TMEFF2: variants seen among roughly 807,000 people sequenced by gnomAD.
TMEFF2 encodes transmembrane protein with EGF like and two follistatin like domains 2.
TMEFF2 carries 28 observed loss-of-function variants against 53.8 expected under a neutral mutation model. That is an observed-to-expected ratio of 0.52 (90% CI 0.39 to 0.71). TMEFF2 has a LOEUF of 0.71. Ranked by LOEUF, TMEFF2 falls within the 30% of genes least tolerant of loss-of-function variation. The pLI is 0.00. For missense variants in TMEFF2, 353 were observed against 455.2 expected (o/e 0.78, Z 2.04); for synonymous variants, 162 against 166.3 (o/e 0.97, Z 0.20).
At chr2:192,071,585 T>A (rs188744596) in intron 4 of TMEFF2, among the ~76,000 whole-genome samples, 155 of 152,006 alleles carry the variant, frequency 1.0e-3, no homozygotes, top group African/African-American at 3.6e-3. Context: ...AGGGATTAGT[T>A]CCAGGAACTC....
At chr2:192,175,741 C>T (rs1417168277) in intron 4 of TMEFF2, among the ~76,000 whole-genome samples, 1 of 151,352 alleles carries the variant, frequency 6.6e-6, no homozygotes, top group East Asian at 1.9e-4. Context: ...CATACAACTT[C>T]CCATAAGATG....
At chr2:192,190,319 G>T (rs1034710225) in intron 2 of TMEFF2, among the ~76,000 whole-genome samples, 1 of 151,628 alleles carries the variant, frequency 6.6e-6, no homozygotes, top group African/African-American at 2.4e-5. Flanking sequence ...TCTACCCATG[G>T]TTATGAAAAT....
intron 4 of TMEFF2, among the ~76,000 whole-genome samples, chr2:192,082,383 A>G (rs1175212444): frequency 6.6e-6 from 1 of 152,150 alleles, no homozygotes. Flanking sequence ...TTAAACAGAA[A>G]GTCAGAGTTA....
intron 7 of TMEFF2, among the ~76,000 whole-genome samples, chr2:191,992,042 A>C (rs541792375): frequency 6.6e-6 from 1 of 152,244 alleles, no homozygotes; most frequent in Non-Finnish European, 1.5e-5. Flanking sequence ...AGAGGGGAAA[A>C]TACTTGCAAT....
At position 191,956,336 on chromosome 2, in the gene TMEFF2, A is replaced by G. The variant is rs1692094298; in HGVS notation, c.788T>C (p.Ile263Thr). The part of the protein sequence containing the change: ...KLEESAREHH[I>T]PCPEHYNGFC... ...GCCATTGTAATGTTCCGGACAAGGTATGTGGTGTTCTCTGGCACTTTCTTC... is the reference window on the plus strand; with the variant it reads ...GCCATTGTAATGTTCCGGACAAGGTGTGTGGTGTTCTCTGGCACTTTCTTC... The change falls in exon 8 of 10, where the codon ATA (isoleucine) becomes ACA (threonine). Residue 263 changes from isoleucine (I) to threonine (T), a missense_variant. By Grantham distance (89) the Ile-to-Thr change is moderately conservative (BLOSUM62 -1). This residue lies in a region of TMEFF2 where 294 missense variants were observed against 397.3 expected (regional missense o/e 0.74). Transcript: ENST00000272771. The G allele has an allele frequency of 6.2e-7, 1 of 1,614,024 alleles. No individual in the cohort carries two copies. Among genetic ancestry groups the G allele is most frequent in the African/African-American group, 1.3e-5 (1 of 75,060 alleles).
chr2:192,122,852 A>C (rs1689588878), intron 4 of TMEFF2, among the ~76,000 whole-genome samples: 1 of 152,122 alleles, frequency 6.6e-6, no homozygotes, highest in African/African-American at 2.4e-5. Flanking sequence ...ATACAGAAAA[A>C]CATAACAGAA....
At chr2:192,054,244 C>T (rs1455286801) in intron 5 of TMEFF2, among the ~76,000 whole-genome samples, 3 of 151,724 alleles carry the variant, frequency 2.0e-5, no homozygotes, top group East Asian at 1.9e-4. Flanking sequence ...TCATTCTGAT[C>T]TTGTAATTTA....
intron 7 of TMEFF2, among the ~76,000 whole-genome samples, chr2:191,991,542 C>G (rs1396646418): frequency 6.6e-6 from 1 of 152,014 alleles, no homozygotes; most frequent in Non-Finnish European, 1.5e-5. Flanking sequence ...TTCAACTAAT[C>G]AAGAAACCGA....
At chr2:192,040,954 C>T (rs1157446445) in intron 5 of TMEFF2, among the ~76,000 whole-genome samples, 9 of 152,112 alleles carry the variant, frequency 5.9e-5, no homozygotes, top group Admixed American at 5.9e-4. Flanking sequence ...CTTCCTCACT[C>T]CATCTGCAAA....
At chr2:192,017,952 T>G (rs1420108414) in intron 5 of TMEFF2, among the ~76,000 whole-genome samples, 5 of 152,198 alleles carry the variant, frequency 3.3e-5, no homozygotes, top group Non-Finnish European at 7.3e-5. Context: ...GAGCCAGAGT[T>G]GATATATCCT....
At chr2:192,137,968 G>A (rs560577189) in intron 4 of TMEFF2, among the ~76,000 whole-genome samples, 1 of 151,706 alleles carries the variant, frequency 6.6e-6, no homozygotes, top group East Asian at 2.0e-4. Flanking sequence ...ATAGGCATGC[G>A]CCACCACACC....
At chr2:192,075,318 T>TAAATATATATATATAA (rs1559115196) in intron 4 of TMEFF2, among the ~76,000 whole-genome samples, 1 of 85,636 alleles carries the variant, frequency 1.2e-5, no homozygotes, top group African/African-American at 4.5e-5. Flanking sequence ...TATATATATA[T>TAAATATATATATATAA]ATATATATAT....
intron 5 of TMEFF2, among the ~76,000 whole-genome samples, chr2:192,004,191 G>T (rs1024992553): frequency 8.5e-5 from 13 of 152,124 alleles, no homozygotes; most frequent in Non-Finnish European, 1.6e-4. Flanking sequence ...AGATAACTTT[G>T]TGCTACTTGG....
At chr2:192,127,419 C>T (rs768273607) in intron 4 of TMEFF2, among the ~76,000 whole-genome samples, 2 of 152,168 alleles carry the variant, frequency 1.3e-5, no homozygotes, top group Non-Finnish European at 2.9e-5. Context: ...AAGTGTTACC[C>T]TTCCTGCCTT....
chr2:191,965,111 A>C (rs1184361903), intron 7 of TMEFF2, among the ~76,000 whole-genome samples: 1 of 152,116 alleles, frequency 6.6e-6, no homozygotes, highest in Non-Finnish European at 1.5e-5. Flanking sequence ...TGACTTCCAA[A>C]TATTGATTAG....
intron 4 of TMEFF2, among the ~76,000 whole-genome samples, chr2:192,064,277 C>T (rs1156484986): frequency 6.6e-6 from 1 of 151,738 alleles, no homozygotes; most frequent in Non-Finnish European, 1.5e-5. Context: ...AATTTACTAA[C>T]TTTATGACAA....
In TMEFF2 at chr2:191,950,296, T is replaced by TGAAACATGCTCCCTTTAGA. The variant is rs773901041; in HGVS notation, c.1121_*14dup. 23 of 1,613,550 alleles carry TGAAACATGCTCCCTTTAGA rather than the reference T, an allele frequency of 1.4e-5. No homozygotes were observed. The East Asian group carries it at 5.1e-4, about 36-fold the overall frequency. On this transcript the variant is annotated 3_prime_UTR_variant, in exon 10 of 10. Coordinates refer to ENST00000272771, the MANE Select transcript of TMEFF2 (RefSeq NM_016192.4). ...CAAGCTCTCGGTAGTCCAGCCACTG[T>TGAAACATGCTCCCTTTAGA]GAAACATGCTCCCTTTAGATTAACC...
At chr2:192,059,545 G>A (rs549597758) in intron 4 of TMEFF2, among the ~76,000 whole-genome samples, 12 of 152,244 alleles carry the variant, frequency 7.9e-5, no homozygotes, top group African/African-American at 2.6e-4. Context: ...CCAGACTAAA[G>A]CTTCCCATTA....
intron 4 of TMEFF2, among the ~76,000 whole-genome samples, chr2:192,139,947 C>CT (rs1343257299): frequency 1.3e-5 from 2 of 152,110 alleles, no homozygotes; most frequent in African/African-American, 2.4e-5. Context: ...CAGTTCAACA[C>CT]TTTTTTTCTT....
Sources: gnomAD v4.1 joint callset for allele counts (sites outside exome capture counted in the v4.1 genomes callset) on GRCh38, gnomAD v4.1.1 for gene constraint, gnomAD v4.1.1 regional missense constraint, MANE v1.5 for transcripts, NCBI Gene and HGNC (gene_info 2026-07-23, HGNC 2026-07-21) for gene names.